Variants in SLC38A9 observed in about 807,000 individuals in gnomAD.
SLC38A9 encodes neutral amino acid transporter 9.
SLC38A9 carries 48 observed loss-of-function variants against 62.3 expected under a neutral mutation model. That is an observed-to-expected ratio of 0.77 (90% CI 0.61 to 0.98). SLC38A9 has a LOEUF of 0.98. Ranked by LOEUF, SLC38A9 falls within the 50% of genes least tolerant of loss-of-function variation. The pLI is 0.00. For missense variants in SLC38A9, 541 were observed against 679.8 expected (o/e 0.80, Z 2.27); for synonymous variants, 204 against 227.7 (o/e 0.90, Z 0.94).
At chr5:55,674,430 T>C (rs1751798723) in intron 3 of SLC38A9, among the ~76,000 whole-genome samples, 1 of 152,208 alleles carries the variant, frequency 6.6e-6, no homozygotes, top group Non-Finnish European at 1.5e-5. Context: ...AACAGATTAA[T>C]GACGTTATCT....
chr5:55,699,940 A>C (rs887347469), intron 2 of SLC38A9, among the ~76,000 whole-genome samples: 4 of 152,230 alleles, frequency 2.6e-5, no homozygotes, highest in African/African-American at 9.6e-5. Flanking sequence ...GAAAGTAAGA[A>C]GACAGAAGTA....
chr5:55,676,670 T>G (rs1314731525), intron 3 of SLC38A9, among the ~76,000 whole-genome samples: 2 of 152,246 alleles, frequency 1.3e-5, no homozygotes, highest in Non-Finnish European at 2.9e-5. Context: ...CTATTTTTCT[T>G]CTACAAGAAA....
At position 55,626,124 on chromosome 5, in the gene SLC38A9, T is replaced by C. The variant is rs1742383806; in HGVS notation, c.*370A>G. Reference sequence around the variant, plus strand: ...ACTGAAACATAAAACAGAAGCAGGATTTGACAATATGCTGCTCTGACACCC... The same window carrying C: ...ACTGAAACATAAAACAGAAGCAGGACTTGACAATATGCTGCTCTGACACCC... On this transcript the variant is annotated 3_prime_UTR_variant, in exon 16 of 16. Transcript: ENST00000396865. 1 of 163,310 alleles carries C rather than the reference T, an allele frequency of 6.1e-6. No homozygotes were observed. The highest frequency in any genetic ancestry group is 2.4e-5 in the African/African-American group (1 of 41,640). 10.1% of individuals were successfully genotyped at this position (163,310 alleles called of 1,614,324 possible).
intron 3 of SLC38A9, among the ~76,000 whole-genome samples, chr5:55,681,039 T>C (rs548545493): frequency 1.3e-5 from 2 of 152,320 alleles, no homozygotes; most frequent in Admixed American, 6.5e-5. Flanking sequence ...AAGAAAAAAG[T>C]AGTGCTAGAA....
intron 3 of SLC38A9, chr5:55,673,372 T>C (rs1031300386): frequency 6.6e-6 from 1 of 152,254 alleles, no homozygotes; most frequent in Non-Finnish European, 1.5e-5. Context: ...TGGTGTTCAA[T>C]CATCCTTTTC....
chr5:55,679,530 C>T (rs1016677209), intron 3 of SLC38A9, among the ~76,000 whole-genome samples: 1 of 151,672 alleles, frequency 6.6e-6, no homozygotes, highest in Non-Finnish European at 1.5e-5. Context: ...AAAAATTCTA[C>T]TATGCTGAGA....
At chr5:55,652,083 G>A (rs1285615396) in intron 10 of SLC38A9, among the ~76,000 whole-genome samples, 19 of 151,620 alleles carry the variant, frequency 1.3e-4, no homozygotes, top group African/African-American at 4.4e-4. Context: ...AAATTGCCGG[G>A]CGTGCTGGCT....
Position 55,697,912 on chromosome 5 carries a change from A to G in SLC38A9, c.47T>C (p.Val16Ala), listed in dbSNP as rs1331553883. Reference sequence around the variant, plus strand: ...AGGTCCAGGATCTCTTTCATGATCTACCTCAGAGGTGCCAAGATGCCTAGA... The same window carrying G: ...AGGTCCAGGATCTCTTTCATGATCTGCCTCAGAGGTGCCAAGATGCCTAGA... Reference protein sequence around the residue: ...SDSRHLGTSEVDHERDPGPMN... With the variant: ...SDSRHLGTSEADHERDPGPMN... Residue 16 changes from valine to alanine, a missense_variant, in exon 3 of 16, where the codon GTA (valine) becomes GCA (alanine). By Grantham distance (64) the Val-to-Ala change is moderately conservative (BLOSUM62 0). Coordinates refer to ENST00000396865, the MANE Select transcript of SLC38A9 (RefSeq NM_173514.4). 1.2e-6 allele frequency: 2 copies of G among 1,604,356 alleles called. No homozygotes were observed. Among genetic ancestry groups the G allele is most frequent in the South Asian group, 2.3e-5 (2 of 88,230 alleles).
At chr5:55,686,509 C>T (rs1482744419) in intron 3 of SLC38A9, among the ~76,000 whole-genome samples, 2 of 152,134 alleles carry the variant, frequency 1.3e-5, no homozygotes, top group African/African-American at 2.4e-5. Flanking sequence ...CTTATAGATG[C>T]TGGATATTAG....
intron 3 of SLC38A9, among the ~76,000 whole-genome samples, chr5:55,688,622 C>T (rs552056796): frequency 3.0e-4 from 45 of 152,040 alleles, no homozygotes; most frequent in Middle Eastern, 3.4e-3. Flanking sequence ...CCTCGTGATC[C>T]GCCCGCCTCG....
At chr5:55,650,334 G>A (rs1747160009) in intron 10 of SLC38A9, among the ~76,000 whole-genome samples, 1 of 152,096 alleles carries the variant, frequency 6.6e-6, no homozygotes, top group African/African-American at 2.4e-5. Context: ...ATTCAGGAAG[G>A]CCTTAGATGC....
chr5:55,677,693 A>C (rs536306865), intron 3 of SLC38A9, among the ~76,000 whole-genome samples: 156 of 142,556 alleles, frequency 1.1e-3, no homozygotes, highest in African/African-American at 3.7e-3. Flanking sequence ...CACCGTGCCC[A>C]GCTAATTAAA....
Position 55,672,579 on chromosome 5 carries a change from G to A in SLC38A9, c.230C>T (p.Pro77Leu), listed in dbSNP as rs1301529938. 6.2e-7 allele frequency: 1 copy of A among 1,614,110 alleles called. No individual in the cohort carries two copies. Among genetic ancestry groups the A allele is most frequent in the Non-Finnish European group, 8.5e-7 (1 of 1,180,004 alleles). The stretch of plus-strand genomic sequence containing the variant: ...GTCTCTTACCAGTGCCTTGTCTGCA[G>A]GAGTGGTGAGCCGGCTGTAGTAATG... ...RIHYYSRLTT[P>L]ADKALIAPDH... The change falls in exon 4 of 16, where the codon CCT (proline) becomes CTT (leucine). Residue 77 changes from proline to leucine, a missense_variant. Coordinates refer to ENST00000396865, the MANE Select transcript of SLC38A9 (RefSeq NM_173514.4).
intron 3 of SLC38A9, chr5:55,672,920 T>A: frequency 2.4e-6 from 1 of 412,800 alleles, no homozygotes; most frequent in African/African-American, 2.0e-5. Flanking sequence ...CACACTTTTT[T>A]TGTAATCTTC....
chr5:55,655,996 G>A (rs1200688796), intron 9 of SLC38A9, among the ~76,000 whole-genome samples: 2 of 152,052 alleles, frequency 1.3e-5, no homozygotes, highest in Admixed American at 6.6e-5. Flanking sequence ...AATTTGTATA[G>A]CCTATATATT....
intron 14 of SLC38A9, chr5:55,633,524 A>G (rs953720958): frequency 2.1e-5 from 10 of 475,280 alleles, no homozygotes; most frequent in Non-Finnish European, 3.7e-5. Flanking sequence ...TATAAATGGT[A>G]TCGGAGCTAA....
intron 3 of SLC38A9, chr5:55,691,256 T>A (rs977930875): frequency 7.9e-7 from 1 of 1,273,842 alleles, no homozygotes; most frequent in African/African-American, 1.5e-5. Flanking sequence ...ACATATCCAA[T>A]TGTTTTCCAT....
rs1754894336 is a variant in SLC38A9, at chr5:55,692,556, G to T, written c.113+5290C>A. 5.7e-6 allele frequency: 5 copies of T among 877,232 alleles called. No individual in the cohort carries two copies. The South Asian group carries it at 2.6e-4, about 46-fold the overall frequency. 54.3% of individuals were successfully genotyped at this position (877,232 alleles called of 1,614,324 possible). On this transcript the variant is annotated intron_variant, in intron 3 of 15. Transcript: ENST00000396865. Reference sequence around the variant, plus strand: ...GCAAATTAGCATTTAGTACTGCTAAGTCTCTATATTTGCCTTTCTTAAAAC... The same window carrying T: ...GCAAATTAGCATTTAGTACTGCTAATTCTCTATATTTGCCTTTCTTAAAAC...
intron 1 of SLC38A9, among the ~76,000 whole-genome samples, chr5:55,711,742 G>A (rs1397986262): frequency 6.6e-6 from 1 of 152,110 alleles, no homozygotes; most frequent in Non-Finnish European, 1.5e-5. Context: ...ATGGAGAAAG[G>A]TGCTCCCAGC....
Sources: allele counts gnomAD v4.1 joint callset (sites outside exome capture counted in the v4.1 genomes callset), GRCh38; gene constraint gnomAD v4.1.1; transcripts MANE v1.5; gene names NCBI Gene and HGNC (gene_info 2026-07-23, HGNC 2026-07-21).